SNX4: variants seen among roughly 807,000 people sequenced by gnomAD.
SNX4 encodes sorting nexin-4.
SNX4 carries 49 observed loss-of-function variants against 70.8 expected under a neutral mutation model. The observed-to-expected ratio is 0.69, with a 90% confidence interval of 0.55 to 0.88. The LOEUF is 0.88. Ranked by LOEUF, SNX4 falls within the 40% of genes least tolerant of loss-of-function variation. The pLI, the probability that SNX4 is intolerant of heterozygous loss-of-function variation, is 0.00. For missense variants in SNX4, 528 were observed against 544.8 expected (o/e 0.97, Z 0.31); for synonymous variants, 206 against 183.8 (o/e 1.12, Z -0.98).
chr3:125,463,146 A>C (rs937169400), intron 9 of SNX4, among the ~76,000 whole-genome samples: 1 of 152,206 alleles, frequency 6.6e-6, no homozygotes, highest in African/African-American at 2.4e-5. Context: ...AAACAAAACT[A>C]TGCTAAGGGT....
At chr3:125,495,284 A>ACACATG (rs1934768126) in intron 5 of SNX4, among the ~76,000 whole-genome samples, 1 of 109,314 alleles carries the variant, frequency 9.1e-6, no homozygotes, top group Non-Finnish European at 1.9e-5. Flanking sequence ...ATATACACAT[A>ACACATG]CACACACACA....
At chr3:125,502,454 CT>C (rs1395846217) in intron 2 of SNX4, among the ~76,000 whole-genome samples, 2 of 151,728 alleles carry the variant, frequency 1.3e-5, no homozygotes, top group African/African-American at 4.8e-5. Flanking sequence ...AAGATTTAAA[CT>C]TTTATTTTAG....
chr3:125,471,857 T>C (rs1052037386), intron 8 of SNX4, among the ~76,000 whole-genome samples: 6 of 152,238 alleles, frequency 3.9e-5, no homozygotes, highest in Non-Finnish European at 8.8e-5. Context: ...AGCCCTTTTT[T>C]AGGCTTATCC....
intron 5 of SNX4, among the ~76,000 whole-genome samples, chr3:125,490,404 C>G (rs979720863): frequency 4.7e-5 from 7 of 149,358 alleles, no homozygotes; most frequent in Admixed American, 3.4e-4. Flanking sequence ...TGCCTGTAGT[C>G]CCAGCTACTC....
chr3:125,450,709 A>G (rs180800777), intron 13 of SNX4, among the ~76,000 whole-genome samples: 1 of 152,300 alleles, frequency 6.6e-6, no homozygotes, highest in African/African-American at 2.4e-5. Context: ...AATAAGCTTC[A>G]ATGTTTGTAT....
rs531479913 is a variant in SNX4, at chr3:125,511,088, AT to A, written c.142-6345del. Among the ~76,000 whole-genome samples, 94 of 152,212 alleles carry A rather than the reference AT, an allele frequency of 6.2e-4. 1 individual carries two copies. In the South Asian group the frequency reaches 6.8e-3, roughly 11 times the overall value. ...CATGCATACCACCGGATAATTCTGT[AT>A]TTTTAGTTGAGACGGAGTTTCTCCA... is the stretch of plus-strand genomic sequence containing the variant. On this transcript the variant is annotated intron_variant, in intron 1 of 13. Coordinates refer to ENST00000251775, the MANE Select transcript of SNX4 (RefSeq NM_003794.4).
intron 1 of SNX4, among the ~76,000 whole-genome samples, chr3:125,515,373 ATT>A (rs1935253238): frequency 8.0e-6 from 1 of 124,732 alleles, no homozygotes; most frequent in Non-Finnish European, 1.7e-5. Flanking sequence ...ATATATATAT[ATT>A]TTTGGGTCGG....
At chr3:125,471,036 T>G (rs1198750255) in intron 8 of SNX4, among the ~76,000 whole-genome samples, 1 of 152,048 alleles carries the variant, frequency 6.6e-6, no homozygotes, top group African/African-American at 2.4e-5. Flanking sequence ...TTAACTTTTT[T>G]TGTTGTCTTA....
intron 5 of SNX4, among the ~76,000 whole-genome samples, chr3:125,492,557 T>G (rs896028055): frequency 6.6e-6 from 1 of 152,222 alleles, no homozygotes; most frequent in Non-Finnish European, 1.5e-5. Context: ...TCACTCATCT[T>G]AGGGTAACCC....
intron 7 of SNX4, among the ~76,000 whole-genome samples, chr3:125,478,299 A>C (rs1486014750): frequency 6.6e-6 from 1 of 151,728 alleles, no homozygotes. Flanking sequence ...CAAACTCCTG[A>C]CCTCAAATGA....
chr3:125,480,176 G>T, intron 7 of SNX4, 71 bp downstream of exon 7: 1 of 965,878 alleles, frequency 1.0e-6, no homozygotes, highest in Non-Finnish European at 1.5e-6. Context: ...CCTACTACTT[G>T]AAAACAGAAT....
At chr3:125,504,881 AG>A in intron 1 of SNX4, 137 bp from the exon 2 acceptor site, 1 of 964,688 alleles carries the variant, frequency 1.0e-6, no homozygotes, top group Non-Finnish European at 1.4e-6. Flanking sequence ...TTGAGTTGCC[AG>A]GGGTTGCAAA....
At chr3:125,458,318 T>C (rs1933778324) in intron 10 of SNX4, among the ~76,000 whole-genome samples, 1 of 151,842 alleles carries the variant, frequency 6.6e-6, no homozygotes, top group African/African-American at 2.4e-5. Context: ...GACTAAGGCA[T>C]GTGCCACCAT....
chr3:125,517,204 C>T (rs931608017), intron 1 of SNX4: 1 of 152,144 alleles, frequency 6.6e-6, no homozygotes, highest in African/African-American at 2.4e-5. Flanking sequence ...GGAAGAAGCA[C>T]TGATTTCAAT....
intron 1 of SNX4, among the ~76,000 whole-genome samples, chr3:125,515,204 T>A (rs1580013791): frequency 6.6e-6 from 1 of 151,448 alleles, no homozygotes; most frequent in African/African-American, 2.4e-5. Context: ...ATACAAAAAT[T>A]AGCCAGGCGT....
chr3:125,487,479 T>G (rs1295868270), intron 6 of SNX4, among the ~76,000 whole-genome samples: 1 of 152,052 alleles, frequency 6.6e-6, no homozygotes, highest in East Asian at 1.9e-4. Flanking sequence ...AAATACTAAT[T>G]GACAAAATAC....
At chr3:125,459,314 C>T (rs2107529079) in intron 10 of SNX4, among the ~76,000 whole-genome samples, 1 of 152,312 alleles carries the variant, frequency 6.6e-6, no homozygotes, top group African/African-American at 2.4e-5. Flanking sequence ...AATACCATAT[C>T]CATGCACCCC....
chr3:125,486,823 C>T (rs985915826), intron 6 of SNX4, among the ~76,000 whole-genome samples: 1 of 152,014 alleles, frequency 6.6e-6, no homozygotes, highest in Non-Finnish European at 1.5e-5. Context: ...GAGGCTGAGG[C>T]GGAGGATTGT....
intron 1 of SNX4, among the ~76,000 whole-genome samples, chr3:125,514,425 T>C (rs2107574711): frequency 6.8e-6 from 1 of 147,034 alleles, no homozygotes; most frequent in South Asian, 2.2e-4. Context: ...CGAGTCTCGC[T>C]CTATTGCATA....
Sources: allele counts gnomAD v4.1 joint callset (sites outside exome capture counted in the v4.1 genomes callset), GRCh38; gene constraint gnomAD v4.1.1; transcripts MANE v1.5; gene names NCBI Gene and HGNC (gene_info 2026-07-23, HGNC 2026-07-21).